The following DMXL1 variants were observed in gnomAD, a reference collection of about 807,000 sequenced individuals.
The protein encoded by DMXL1 is dmX-like protein 1.
A neutral mutation model predicts 319.2 loss-of-function variants in DMXL1; 99 were observed. That is an observed-to-expected ratio of 0.31 (90% CI 0.26 to 0.37). The LOEUF is 0.37. DMXL1 is among the 10% of genes least tolerant of loss of function. DMXL1 has a pLI of 1.00. For synonymous variants in DMXL1, 1,385 were observed against 1,235.2 expected (o/e 1.12, Z -2.54); for missense variants, 3,745 against 3,595.6 (o/e 1.04, Z -1.06).
intron 1 of DMXL1, among the ~76,000 whole-genome samples, chr5:119,077,466 A>G (rs977956797): frequency 7.3e-6 from 1 of 137,312 alleles, no homozygotes; most frequent in African/African-American, 2.7e-5. Flanking sequence ...ATTGTATTAC[A>G]TCTTCATCTT....
chr5:119,235,525 A>G (rs972389988), intron 39 of DMXL1, among the ~76,000 whole-genome samples: 1 of 152,044 alleles, frequency 6.6e-6, no homozygotes, highest in Non-Finnish European at 1.5e-5. Context: ...ATTTCAGAAG[A>G]AAAAAATGGA....
chr5:119,196,132 A>G (rs543058060), intron 30 of DMXL1, among the ~76,000 whole-genome samples: 2 of 152,154 alleles, frequency 1.3e-5, no homozygotes, highest in African/African-American at 2.4e-5. Flanking sequence ...CTAATATTCC[A>G]TAGGTCAAAA....
intron 34 of DMXL1, among the ~76,000 whole-genome samples, chr5:119,214,124 G>A (rs192573228): frequency 2.6e-5 from 4 of 151,914 alleles, no homozygotes; most frequent in African/African-American, 7.2e-5. Context: ...CTAATTTCCC[G>A]AACTCCAGAC....
At chr5:119,176,958 G>A (rs1023732754) in intron 26 of DMXL1, among the ~76,000 whole-genome samples, 1 of 152,124 alleles carries the variant, frequency 6.6e-6, no homozygotes, top group Non-Finnish European at 1.5e-5. Context: ...TGGGGACAGA[G>A]ACATTGTTAT....
At chr5:119,163,714 G>A (rs1288213216) in intron 19 of DMXL1, among the ~76,000 whole-genome samples, 5 of 152,176 alleles carry the variant, frequency 3.3e-5, no homozygotes, top group Non-Finnish European at 5.9e-5. Flanking sequence ...TCAGCCTATC[G>A]AGTAGCTGGG....
chr5:119,197,829 C>G lies in DMXL1; in HGVS notation c.7618C>G (p.Arg2540Gly), dbSNP rs903943796. The G allele has an allele frequency of 1.9e-6, 3 of 1,614,032 alleles. No homozygotes were observed. The African/African-American group carries it at 4.0e-5, about 22-fold the overall frequency. Residue 2540 changes from arginine to glycine, a missense_variant, in exon 32 of 44, where the codon CGA becomes GGA. By Grantham distance (125) the Arg-to-Gly change is moderately radical. Coordinates refer to ENST00000539542, the MANE Select transcript of DMXL1 (RefSeq NM_001290321.3). Reference protein sequence around the residue: ...LQCWEQVLLRRLEIHGGPPQN... With the variant: ...LQCWEQVLLRGLEIHGGPPQN... ...ATGTTGGGAACAAGTTCTTCTCCGA[C>G]GACTTGAAATCCATGGTGGGCCACC...
intron 23 of DMXL1, among the ~76,000 whole-genome samples, chr5:119,168,346 T>G (rs887600730): frequency 1.9e-4 from 29 of 152,328 alleles, no homozygotes; most frequent in Middle Eastern, 3.4e-3. Flanking sequence ...TACCTTTTCT[T>G]TTAGAAATCC....
chr5:119,244,220 G>C (rs572600747), intron 42 of DMXL1, 139 bp from the exon 43 acceptor site: 1 of 669,098 alleles, frequency 1.5e-6, no homozygotes, highest in Admixed American at 3.0e-5. Flanking sequence ...TGAAATCATT[G>C]GTTTTTATAT....
intron 19 of DMXL1, among the ~76,000 whole-genome samples, chr5:119,158,916 T>G (rs954098814): frequency 2.6e-5 from 4 of 152,182 alleles, no homozygotes; most frequent in Non-Finnish European, 5.9e-5. Flanking sequence ...ACATTTGTAT[T>G]TATCAGGGAT....
intron 35 of DMXL1, among the ~76,000 whole-genome samples, chr5:119,217,949 C>T (rs73790971): frequency 0.024 from 3,686 of 152,160 alleles, 141 homozygotes; most frequent in African/African-American, 0.084. Context: ...GGCTAAAGGG[C>T]TGATTCCAGA....
At chr5:119,113,502 A>C (rs893852991) in intron 5 of DMXL1, among the ~76,000 whole-genome samples, 13 of 152,198 alleles carry the variant, frequency 8.5e-5, no homozygotes, top group African/African-American at 3.1e-4. Flanking sequence ...CAGGCTCCCA[A>C]GGTGCTGGGA....
intron 39 of DMXL1, among the ~76,000 whole-genome samples, chr5:119,235,936 C>G (rs1398979009): frequency 6.6e-6 from 1 of 151,954 alleles, no homozygotes; most frequent in Non-Finnish European, 1.5e-5. Context: ...TTCTGAAGAA[C>G]ATACCTAGAT....
At chr5:119,198,491 C>T (rs1218849037) in intron 32 of DMXL1, among the ~76,000 whole-genome samples, 2 of 152,160 alleles carry the variant, frequency 1.3e-5, no homozygotes, top group African/African-American at 4.8e-5. Context: ...GATGCCTGCT[C>T]TAGAACGATG....
intron 38 of DMXL1, among the ~76,000 whole-genome samples, chr5:119,227,019 G>C (rs1027358724): frequency 6.6e-5 from 10 of 152,096 alleles, no homozygotes; most frequent in African/African-American, 2.4e-4. Flanking sequence ...TTAATCTCCA[G>C]CTCCCTTTCC....
intron 33 of DMXL1, among the ~76,000 whole-genome samples, chr5:119,204,242 A>T (rs1313259982): frequency 6.6e-6 from 1 of 152,114 alleles, no homozygotes; most frequent in Non-Finnish European, 1.5e-5. Flanking sequence ...GGCTCAAGCG[A>T]TCCTCCCACC....
chr5:119,203,804 A>T (rs1005430432), intron 33 of DMXL1, among the ~76,000 whole-genome samples: 1 of 151,990 alleles, frequency 6.6e-6, no homozygotes, highest in African/African-American at 2.4e-5. Flanking sequence ...TATACTGAAA[A>T]TTTTTTATTT....
At chr5:119,205,055 AGT>A (rs1019297754) in intron 33 of DMXL1, among the ~76,000 whole-genome samples, 5 of 152,204 alleles carry the variant, frequency 3.3e-5, no homozygotes, top group Admixed American at 6.5e-5. Flanking sequence ...AATAGTATGT[AGT>A]GTTCTTGCTG....
intron 42 of DMXL1, among the ~76,000 whole-genome samples, chr5:119,243,745 C>T (rs1789231751): frequency 6.6e-6 from 1 of 151,972 alleles, no homozygotes; most frequent in South Asian, 2.1e-4. Flanking sequence ...CTTTTAATTT[C>T]CTTACCTACT....
intron 9 of DMXL1, among the ~76,000 whole-genome samples, chr5:119,125,197 A>G (rs1424428124): frequency 1.3e-5 from 2 of 152,226 alleles, no homozygotes; most frequent in Non-Finnish European, 2.9e-5. Flanking sequence ...ACTACAATAT[A>G]TGAATATAGC....
Sources: gnomAD v4.1 joint callset for allele counts (sites outside exome capture counted in the v4.1 genomes callset) on GRCh38, gnomAD v4.1.1 for gene constraint, MANE v1.5 for transcripts, NCBI Gene and HGNC (gene_info 2026-07-23, HGNC 2026-07-21) for gene names.